EGFLAM: variants seen among roughly 807,000 people sequenced by gnomAD.
EGFLAM encodes pikachurin.
Under a neutral mutation model 113.1 loss-of-function variants are expected in EGFLAM, and 79 were observed. The observed-to-expected ratio is 0.70, with a 90% CI of 0.58 to 0.84. The LOEUF is 0.84. Ranked by LOEUF, EGFLAM falls within the 40% of genes least tolerant of loss-of-function variation. The probability of loss-of-function intolerance (pLI) is 0.00; values close to 1 mark genes in which losing one functional copy is unlikely to be tolerated. For missense variants in EGFLAM, 1,265 were observed against 1,291.6 expected, an observed-to-expected ratio of 0.98 and a Z score of 0.32; for synonymous variants, 504 against 487.6, an observed-to-expected ratio of 1.03 and a Z score of -0.44.
intron 17 of EGFLAM, among the ~76,000 whole-genome samples, chr5:38,440,576 G>T (rs1032545368): frequency 3.3e-5 from 5 of 152,268 alleles, no homozygotes; most frequent in Admixed American, 1.3e-4. Context: ...GAAAGTTTGC[G>T]TAAATCCTTG....
intron 1 of EGFLAM, among the ~76,000 whole-genome samples, chr5:38,275,807 A>T (rs1315686655): frequency 6.6e-6 from 1 of 152,216 alleles, no homozygotes; most frequent in Non-Finnish European, 1.5e-5. Context: ...AGGATACATT[A>T]TATATTAGGC....
intron 11 of EGFLAM, among the ~76,000 whole-genome samples, chr5:38,417,576 C>G (rs575914686): frequency 2.6e-5 from 4 of 152,042 alleles, no homozygotes; most frequent in Non-Finnish European, 4.4e-5. Context: ...CCTCCACCCC[C>G]CGTCCACCCC....
intron 1 of EGFLAM, among the ~76,000 whole-genome samples, chr5:38,321,707 T>C (rs1306229867): frequency 6.6e-6 from 1 of 152,160 alleles, no homozygotes; most frequent in Non-Finnish European, 1.5e-5. Flanking sequence ...CATGGATTGC[T>C]CTCTGCCAGA....
chr5:38,447,797 A>G (rs1277864565), intron 17 of EGFLAM, among the ~76,000 whole-genome samples: 1 of 152,136 alleles, frequency 6.6e-6, no homozygotes, highest in African/African-American at 2.4e-5. Context: ...ATACACTGGA[A>G]AGTGATCAGA....
intron 11 of EGFLAM, among the ~76,000 whole-genome samples, chr5:38,417,177 C>G (rs974144775): frequency 1.3e-5 from 2 of 151,828 alleles, no homozygotes; most frequent in Non-Finnish European, 2.9e-5. Context: ...CGTGGTGAAA[C>G]CTCGTTTCTA....
rs1410108593 is a variant in EGFLAM at position 38,458,329 on chromosome 5, T to G, written c.2706T>G (p.Gly902=). Residue 902 remains glycine (G), a synonymous_variant, in exon 20 of 22, where the codon GGT becomes GGG. Transcript: ENST00000322350. ...ALVFSYNLGS[G]VASIMVNGSF... ...GCCTTAGCTATAACCTGGGCAGTGG[T>G]GTGGCATCCATCATGGTGAATGGCT... 2.5e-6 allele frequency: 4 copies of G among 1,613,974 alleles called. No individual in the cohort carries two copies. The highest frequency in any genetic ancestry group is 2.7e-5 in the African/African-American group (2 of 74,916).
At chr5:38,345,627 T>C (rs1739455155) in intron 3 of EGFLAM, 1 of 152,196 alleles carries the variant, frequency 6.6e-6, no homozygotes, top group Non-Finnish European at 1.5e-5. Flanking sequence ...TTGAGGTCAC[T>C]CTGGCCTCTA....
rs1740398692 is a variant in EGFLAM, at chr5:38,377,562, G to C, written c.712+7100G>C. On this transcript the variant is annotated intron_variant, in intron 6 of 21. Transcript: ENST00000322350. ...AGAGTCTGTGACTACTTTGGTGATT[G>C]GATAACTCCCTACTGCTACTGTATG... 3.3e-5 allele frequency among the ~76,000 whole-genome samples: 5 copies of C among 152,268 alleles called. 1 individual carries two copies. The Middle Eastern group carries it at 0.017, about 518-fold the overall frequency.
intron 6 of EGFLAM, among the ~76,000 whole-genome samples, chr5:38,380,117 C>G (rs1300848583): frequency 6.6e-6 from 1 of 152,170 alleles, no homozygotes; most frequent in East Asian, 1.9e-4. Flanking sequence ...TATTCTTAAA[C>G]TTTTTCCCCA....
In EGFLAM at chr5:38,344,554, T is replaced by A. The variant is rs150602037; in HGVS notation, c.291+5773T>A. Among the ~76,000 whole-genome samples the A allele has an allele frequency of 6.9e-3, 1,050 of 152,218 alleles. 16 individuals carry two copies. Among genetic ancestry groups the A allele is most frequent in the African/African-American group, 0.022 (930 of 41,534 alleles). On this transcript the variant is annotated intron_variant, in intron 3 of 21. Coordinates refer to ENST00000322350, the MANE Select transcript of EGFLAM (RefSeq NM_152403.4). Reference sequence around the variant, plus strand: ...CTTACATGGTAACCCAGGTTGCTTTTGTATATTGTGTCATGTATTTGATAG... The same window carrying A: ...CTTACATGGTAACCCAGGTTGCTTTAGTATATTGTGTCATGTATTTGATAG...
chr5:38,401,336 A>G (rs1222073694), intron 6 of EGFLAM: 2 of 152,220 alleles, frequency 1.3e-5, no homozygotes, highest in Admixed American at 6.5e-5. Context: ...ATGCCAAAAA[A>G]AATTGTGCAA....
At chr5:38,437,847 G>C (rs1192953669) in intron 16 of EGFLAM, among the ~76,000 whole-genome samples, 1 of 152,132 alleles carries the variant, frequency 6.6e-6, no homozygotes, top group African/African-American at 2.4e-5. Flanking sequence ...AACTAGGCCT[G>C]GCGCGGTGGC....
chr5:38,259,232 T>A (rs1757441437), intron 1 of EGFLAM, among the ~76,000 whole-genome samples: 1 of 152,124 alleles, frequency 6.6e-6, no homozygotes, highest in Non-Finnish European at 1.5e-5. Flanking sequence ...ATTCATATTG[T>A]CCAGAGCCCA....
intron 8 of EGFLAM, 91 bp downstream of exon 8, chr5:38,407,237 A>T: frequency 7.3e-7 from 1 of 1,361,874 alleles, no homozygotes; most frequent in Non-Finnish European, 1.0e-6. Context: ...AGTTCCTTCT[A>T]GTCCCTTCTC....
At chr5:38,345,039 G>T (rs1037496685) in intron 3 of EGFLAM, among the ~76,000 whole-genome samples, 3 of 152,176 alleles carry the variant, frequency 2.0e-5, no homozygotes, top group Admixed American at 6.5e-5. Context: ...GGAGGGAATG[G>T]AAAAGGCAGT....
chr5:38,315,309 C>T (rs927262856), intron 1 of EGFLAM, among the ~76,000 whole-genome samples: 5 of 152,110 alleles, frequency 3.3e-5, no homozygotes, highest in Non-Finnish European at 7.3e-5. Context: ...TTTGCTTGTG[C>T]CAGAAAATAG....
chr5:38,432,088 A>G (rs1742206491), intron 15 of EGFLAM, among the ~76,000 whole-genome samples: 2 of 152,202 alleles, frequency 1.3e-5, no homozygotes, highest in African/African-American at 4.8e-5. Flanking sequence ...ATAGCCTGCT[A>G]GGATTCTGCG....
chr5:38,407,588 T>C (rs1741331638), intron 8 of EGFLAM, among the ~76,000 whole-genome samples: 1 of 152,200 alleles, frequency 6.6e-6, no homozygotes, highest in Admixed American at 6.5e-5. Context: ...CCAGTGCCGG[T>C]CTCCAAAAAT....
chr5:38,412,619 A>G lies in EGFLAM; in HGVS notation c.1465A>G (p.Asn489Asp), dbSNP rs988953796. 8.7e-6 allele frequency: 14 copies of G among 1,614,022 alleles called. No individual in the cohort carries two copies. The African/African-American group carries it at 1.3e-4, about 15-fold the overall frequency. Residue 489 changes from asparagine to aspartate, a missense_variant, in exon 11 of 22, where the codon AAT becomes GAT. Asn to Asp is a conservative substitution (Grantham distance 23). Coordinates refer to ENST00000322350, the MANE Select transcript of EGFLAM (RefSeq NM_152403.4). The part of the protein sequence containing the change: ...DGLNGLLQLN[N>D]GTPVTGQSQG... ...GCTGAACGGGCTGCTGCAGCTGAAC[A>G]ATGGCACCCCAGTGACAGGCCAGTC...
Sources: allele counts gnomAD v4.1 joint callset (sites outside exome capture counted in the v4.1 genomes callset), GRCh38; gene constraint gnomAD v4.1.1; transcripts MANE v1.5; gene names NCBI Gene and HGNC (gene_info 2026-07-23, HGNC 2026-07-21).